SECTM1: variants seen among roughly 807,000 people sequenced by gnomAD.
SECTM1 encodes secreted and transmembrane protein 1.
Under a neutral mutation model 18.1 loss-of-function variants are expected in SECTM1, and 10 were observed. That is an observed-to-expected ratio of 0.55 (90% CI 0.34 to 0.94). The LOEUF (loss-of-function observed/expected upper bound fraction) is 0.94. Among genes scored for constraint, SECTM1 ranks in the 40% least tolerant of loss-of-function variants. The pLI is 0.02. For synonymous variants in SECTM1, 137 were observed against 139.2 expected (o/e 0.98, Z 0.11); for missense variants, 297 against 322.6 (o/e 0.92, Z 0.61).
rs567843536 is a variant in SECTM1, at chr17:82,325,983, C to G, written c.95-1093G>C. Among the ~76,000 whole-genome samples the G allele has an allele frequency of 6.6e-6, 1 of 152,238 alleles. No individual in the cohort carries two copies. Among genetic ancestry groups the G allele is most frequent in the Non-Finnish European group, 1.5e-5 (1 of 68,040 alleles). ...GGAGGTGGGCTTCAGGGGCACCTGGCCTTCGGGCTGGACTGAGTTTCCTCT... is the reference window on the plus strand; with the variant it reads ...GGAGGTGGGCTTCAGGGGCACCTGGGCTTCGGGCTGGACTGAGTTTCCTCT... On this transcript the variant is annotated intron_variant, in intron 2 of 4. Coordinates refer to ENST00000269389, the MANE Select transcript of SECTM1 (RefSeq NM_003004.3). This position sits in a 1 kb window ranked among gnomAD's most constrained non-coding sequence, Gnocchi z 7.6.
chr17:82,322,987 T>G lies in SECTM1; in HGVS notation c.428A>C (p.Asp143Ala). Residue 143 changes from aspartate (D) to alanine (A), a missense_variant, in exon 4 of 5, where the codon GAC becomes GCC. Transcript: ENST00000269389. ...VSGAEPQSAPDTGFWPVPAVV... is the reference protein window; with the variant it reads ...VSGAEPQSAPATGFWPVPAVV... The stretch of plus-strand genomic sequence containing the variant: ...CGCTGGCACAGGCCAGAACCCAGTG[T>G]CGGGGGCGGACTGGGGTTCTGCACC... The G allele has an allele frequency of 1.2e-6, 2 of 1,613,380 alleles. No homozygotes were observed. Among genetic ancestry groups the G allele is most frequent in the Non-Finnish European group, 1.7e-6 (2 of 1,179,758 alleles).
Sources: gnomAD v4.1 joint callset for allele counts (sites outside exome capture counted in the v4.1 genomes callset) on GRCh38, gnomAD v4.1.1 for gene constraint, Gnocchi (gnomAD v3.1) non-coding constraint, MANE v1.5 for transcripts, NCBI Gene and HGNC (gene_info 2026-07-23, HGNC 2026-07-21) for gene names.